DPRX: variants seen among roughly 807,000 people sequenced by gnomAD.
The protein encoded by DPRX is divergent paired-related homeobox.
Under a neutral mutation model 8.4 loss-of-function variants are expected in DPRX, and 11 were observed. That is an observed-to-expected ratio of 1.31 (90% CI 0.82 to 2.17). The LOEUF (loss-of-function observed/expected upper bound fraction) is 2.17, where lower values mean the gene tolerates loss of function less well. Ranked by LOEUF, DPRX falls within the 30% of genes most tolerant of loss-of-function variation. The pLI, the probability that DPRX is intolerant of heterozygous loss-of-function variation, is 0.00. For synonymous variants in DPRX, 72 were observed against 87.0 expected, an observed-to-expected ratio of 0.83 and a Z score of 0.96; for missense variants, 211 against 236.7, an observed-to-expected ratio of 0.89 and a Z score of 0.71.
At chr19:53,614,975 A>G in the DPRX span, among the ~76,000 whole-genome samples, 1 of 151,936 alleles carries the variant, frequency 6.6e-6, no homozygotes, top group East Asian at 1.9e-4. Flanking sequence ...TTTCAGTTAA[A>G]TATATACTTT....
the DPRX span, among the ~76,000 whole-genome samples, chr19:53,613,149 TC>T: frequency 6.6e-6 from 1 of 152,228 alleles, no homozygotes; most frequent in East Asian, 1.9e-4. Flanking sequence ...GGAAGAAACT[TC>T]CGCTTCTGAA....
upstream of DPRX, chr19:53,631,957 C>T (rs530034652): frequency 2.2e-5 from 22 of 1,013,636 alleles, no homozygotes; most frequent in Middle Eastern, 2.2e-4. Flanking sequence ...TCTGGAGGAC[C>T]GAGGGATCAT....
the DPRX span, among the ~76,000 whole-genome samples, chr19:53,604,004 C>T: frequency 6.6e-6 from 1 of 152,050 alleles, no homozygotes; most frequent in African/African-American, 2.4e-5. Context: ...TCTCGGCCTC[C>T]CAAAGTTCTG....
At chr19:53,614,343 G>T in the DPRX span, among the ~76,000 whole-genome samples, 327 of 152,272 alleles carry the variant, frequency 2.1e-3, 1 homozygote, top group Non-Finnish European at 2.3e-3. Context: ...GAGCCTGGGA[G>T]TTTGAGGCAG....
upstream of DPRX, among the ~76,000 whole-genome samples, chr19:53,628,145 T>A (rs575120083): frequency 6.3e-4 from 96 of 152,090 alleles, no homozygotes; most frequent in African/African-American, 2.1e-3. Flanking sequence ...CAAAGATACA[T>A]GTAATCAAAG....
chr19:53,636,589 C>T lies in DPRX; in HGVS notation c.184-7C>T, dbSNP rs375450549. 7.0e-6 allele frequency: 11 copies of T among 1,576,450 alleles called. No individual in the cohort carries two copies. The highest frequency in any genetic ancestry group is 4.1e-5 in the African/African-American group (3 of 73,904). On this transcript the variant is annotated splice_polypyrimidine_tract_variant and splice_region_variant and intron_variant, in intron 2 of 2. Transcript: ENST00000376650. ...CCACCCCATTCTCTTCTCTCTCTTCCCTTCAGGTCTGGTTCAAGAATCACA... is the reference window on the plus strand; with the variant it reads ...CCACCCCATTCTCTTCTCTCTCTTCTCTTCAGGTCTGGTTCAAGAATCACA...
At chr19:53,628,656 C>T (rs568371150), upstream of DPRX, among the ~76,000 whole-genome samples, 93 of 151,980 alleles carry the variant, frequency 6.1e-4, no homozygotes, top group African/African-American at 2.1e-3. Context: ...ATGACACGAT[C>T]TCCACTCACC....
At chr19:53,604,038 G>A in the DPRX span, among the ~76,000 whole-genome samples, 5 of 151,868 alleles carry the variant, frequency 3.3e-5, no homozygotes, top group East Asian at 1.9e-4. Flanking sequence ...GAGCCACCGC[G>A]CCCCGCCGTA....
At chr19:53,636,381 TAA>T (rs66955116) in intron 2 of DPRX, among the ~76,000 whole-genome samples, 1 of 110,246 alleles carries the variant, frequency 9.1e-6, no homozygotes, top group Non-Finnish European at 2.0e-5. Flanking sequence ...TAAAATAAAA[TAA>T]AATAAAAATA....
chr19:53,613,511 C>T, the DPRX span, among the ~76,000 whole-genome samples: 661 of 150,566 alleles, frequency 4.4e-3, 3 homozygotes, highest in African/African-American at 0.013. Flanking sequence ...TCATGCCCCG[C>T]TAATTTTTTT....
At chr19:53,604,000 C>T in the DPRX span, among the ~76,000 whole-genome samples, 5 of 152,106 alleles carry the variant, frequency 3.3e-5, no homozygotes, top group African/African-American at 9.7e-5. Context: ...CCTGTCTCGG[C>T]CTCCCAAAGT....
the DPRX span, among the ~76,000 whole-genome samples, chr19:53,623,745 G>A: frequency 6.6e-6 from 1 of 152,088 alleles, no homozygotes; most frequent in African/African-American, 2.4e-5. Flanking sequence ...GAGGTCAGGA[G>A]TTTGACACCA....
chr19:53,610,176 G>A, the DPRX span, among the ~76,000 whole-genome samples: 4 of 42,274 alleles, frequency 9.5e-5, no homozygotes, highest in African/African-American at 3.6e-4. Context: ...AAATTAGGCG[G>A]GTGTGGTGGC....
chr19:53,622,337 A>AAG, the DPRX span, among the ~76,000 whole-genome samples: 37 of 150,630 alleles, frequency 2.5e-4, no homozygotes, highest in East Asian at 1.2e-3. Flanking sequence ...ATATTTAGTT[A>AAG]AGAGAGAGAG....
the DPRX span, among the ~76,000 whole-genome samples, chr19:53,601,690 C>A: frequency 6.6e-6 from 1 of 152,032 alleles, no homozygotes; most frequent in African/African-American, 2.4e-5. Flanking sequence ...CCATGTTGGT[C>A]AGGCTGGTCC....
the DPRX span, chr19:53,616,921 T>A: frequency 1.3e-5 from 18 of 1,367,696 alleles, no homozygotes; most frequent in East Asian, 3.9e-4. Context: ...GGTGGTGGTG[T>A]CTTACTTCCT....
the DPRX span, among the ~76,000 whole-genome samples, chr19:53,613,993 C>G: frequency 2.0e-5 from 3 of 151,650 alleles, no homozygotes; most frequent in Non-Finnish European, 2.9e-5. Context: ...ACTCTGTTGC[C>G]CAGGCTGGAG....
At chr19:53,610,988 C>T in the DPRX span, among the ~76,000 whole-genome samples, 18 of 152,124 alleles carry the variant, frequency 1.2e-4, no homozygotes, top group African/African-American at 2.4e-4. Flanking sequence ...ATGAAACCTC[C>T]GCCTCCCAGG....
At chr19:53,601,994 T>A in the DPRX span, 1 of 456,018 alleles carries the variant, frequency 2.2e-6, no homozygotes, top group Non-Finnish European at 4.4e-6. Flanking sequence ...TAAGGCCACC[T>A]ACCTTGAAGT....
Sources: allele counts gnomAD v4.1 joint callset (sites outside exome capture counted in the v4.1 genomes callset), GRCh38; gene constraint gnomAD v4.1.1; transcripts MANE v1.5; gene names NCBI Gene and HGNC (gene_info 2026-07-23, HGNC 2026-07-21).